The following COX20 variants were observed in gnomAD, a reference collection of about 807,000 sequenced individuals.
COX20 encodes the protein cytochrome c oxidase assembly factor COX20.
COX20 carries 14 observed loss-of-function variants against 14.3 expected under a neutral mutation model. The ratio of observed to expected loss-of-function variants is 0.98; its 90% CI spans 0.65 to 1.53. COX20 has a LOEUF of 1.53. COX20 is among the 40% of genes most tolerant of loss of function. The pLI, the probability that COX20 is intolerant of heterozygous loss-of-function variation, is 0.00. For synonymous variants in COX20, 56 were observed against 51.7 expected, an observed-to-expected ratio of 1.08 and a Z score of -0.36; for missense variants, 149 against 142.1, an observed-to-expected ratio of 1.05 and a Z score of -0.25.
rs1680360340 is a variant in COX20 at position 244,844,758 on chromosome 1, C to T, written c.*1582C>T. ...CTAGCCTAGGTGACAGAGTGAGACT[C>T]CATCTCAAAAAAAAAAAAAAATTCC... On this transcript the variant is annotated 3_prime_UTR_variant, in exon 4 of 4. Coordinates refer to ENST00000411948, the MANE Select transcript of COX20 (RefSeq NM_198076.6). 1 of 150,516 alleles carries T rather than the reference C, an allele frequency of 6.6e-6. No individual in the cohort carries two copies. The highest frequency in any genetic ancestry group is 2.4e-5 in the African/African-American group (1 of 40,838). 9.3% of individuals were successfully genotyped at this position (150,516 alleles called of 1,614,324 possible). A position where few individuals can be genotyped will look rare whatever the true frequency, so the allele number is the denominator to read the frequency against.
chr1:244,835,565 A>T, upstream of COX20: 1 of 479,780 alleles, frequency 2.1e-6, no homozygotes, highest in Non-Finnish European at 3.3e-6. Flanking sequence ...GCGGAGCGTT[A>T]GGAACATTCC....
intron 1 of COX20, among the ~76,000 whole-genome samples, chr1:244,838,969 T>C (rs989021769): frequency 6.6e-6 from 1 of 152,156 alleles, no homozygotes; most frequent in Non-Finnish European, 1.5e-5. Context: ...TTTGTACTTT[T>C]AGTAGAGACA....
chr1:244,839,497 G>A (rs978398892), intron 1 of COX20, among the ~76,000 whole-genome samples: 6 of 151,408 alleles, frequency 4.0e-5, no homozygotes, highest in African/African-American at 1.4e-4. Context: ...TCTTAAGTAT[G>A]CAGGCTACTT....
chr1:244,843,051 A>T lies in COX20; in HGVS notation c.232A>T (p.Arg78Trp). 1 of 1,560,178 alleles carries T rather than the reference A, an allele frequency of 6.4e-7. No individual in the cohort carries two copies. The highest frequency in any genetic ancestry group is 2.3e-5 in the East Asian group (1 of 43,430). ...TTCTTTTCTTCTAAGGTTTCATTGTAGGTATAATTATGCAAAGCAAAGAAT... is the reference window on the plus strand; with the variant it reads ...TTCTTTTCTTCTAAGGTTTCATTGTTGGTATAATTATGCAAAGCAAAGAAT... ...LVTLGCWFHC[R>W]YNYAKQRIQE... The change falls in exon 4 of 4, where the codon AGG becomes TGG. Residue 78 changes from arginine to tryptophan, a missense_variant. By Grantham distance (101) the Arg-to-Trp change is moderately radical (BLOSUM62 -3). Coordinates refer to ENST00000411948, the MANE Select transcript of COX20 (RefSeq NM_198076.6).
At chr1:244,840,155 T>TA (rs1327292418) in intron 1 of COX20, 3 of 152,168 alleles carry the variant, frequency 2.0e-5, no homozygotes, top group East Asian at 3.8e-4. Context: ...TACTTTTATT[T>TA]AAAAAAATAA....
intron 1 of COX20, among the ~76,000 whole-genome samples, chr1:244,837,491 T>C (rs1171772052): frequency 6.6e-6 from 1 of 152,236 alleles, no homozygotes; most frequent in African/African-American, 2.4e-5. Context: ...TTGATAGAAC[T>C]AGCCCCTAAA....
chr1:244,838,646 A>G (rs552362558), intron 1 of COX20, among the ~76,000 whole-genome samples: 1 of 152,194 alleles, frequency 6.6e-6, no homozygotes, highest in Non-Finnish European at 1.5e-5. Flanking sequence ...TGTCAAGTGA[A>G]GTTCAGTGGA....
chr1:244,843,010 TAAC>T, intron 3 of COX20, 28 bp from the exon 4 acceptor site: 5 of 1,450,016 alleles, frequency 3.4e-6, no homozygotes, highest in Non-Finnish European at 4.6e-6. Context: ...GACTTTATAT[TAAC>T]AATTTATTCA....
upstream of COX20, chr1:244,835,583 G>T: frequency 1.9e-6 from 1 of 515,612 alleles, no homozygotes; most frequent in South Asian, 8.7e-5. Flanking sequence ...TCCCTAAAAT[G>T]GCGGCCGGCG....
chr1:244,841,568 T>C (rs1028761595), intron 1 of COX20: 1 of 164,500 alleles, frequency 6.1e-6, no homozygotes, highest in African/African-American at 2.4e-5. Context: ...TCCCAAATTA[T>C]TGGAGTTACT....
intron 3 of COX20, 67 bp downstream of exon 3, chr1:244,842,325 C>A: frequency 9.1e-7 from 1 of 1,095,448 alleles, no homozygotes; most frequent in African/African-American, 1.5e-5. Context: ...AAAGCACATG[C>A]TCTTTTCAGA....
intron 1 of COX20, among the ~76,000 whole-genome samples, chr1:244,839,029 A>T (rs1680091782): frequency 6.6e-6 from 1 of 152,154 alleles, no homozygotes; most frequent in South Asian, 2.1e-4. Flanking sequence ...ACCTCAAGTG[A>T]TCCACCCACT....
At chr1:244,836,347 C>G in intron 1 of COX20, 1 of 691,740 alleles carries the variant, frequency 1.4e-6, no homozygotes, top group African/African-American at 1.8e-5. Context: ...TGCCTAACAT[C>G]CAGTCGTAGC....
chr1:244,836,753 A>C (rs935371819), intron 1 of COX20, among the ~76,000 whole-genome samples: 2 of 152,202 alleles, frequency 1.3e-5, no homozygotes. Flanking sequence ...CCCAGCTTGG[A>C]AATTCTGCTC....
chr1:244,843,723 A>AT lies in COX20; in HGVS notation c.*552dup, dbSNP rs1302411276. 1 of 152,182 alleles carries AT rather than the reference A, an allele frequency of 6.6e-6. No individual in the cohort carries two copies. The highest frequency in any genetic ancestry group is 6.5e-5 in the Admixed American group (1 of 15,276). 9.4% of individuals were successfully genotyped at this position (152,182 alleles called of 1,614,324 possible). A position where few individuals can be genotyped will look rare whatever the true frequency, so the allele number is the denominator to read the frequency against. ...AGAGTTGTTTTTAACTGCCCTAAACATTTTTGGGGAAGTATGCAGGGTTTA... is the reference window on the plus strand; with the variant it reads ...AGAGTTGTTTTTAACTGCCCTAAACATTTTTTGGGGAAGTATGCAGGGTTTA... On this transcript the variant is annotated 3_prime_UTR_variant, in exon 4 of 4. Coordinates refer to ENST00000411948, the MANE Select transcript of COX20 (RefSeq NM_198076.6).
chr1:244,839,545 T>G (rs1213843625), intron 1 of COX20, among the ~76,000 whole-genome samples: 2 of 152,226 alleles, frequency 1.3e-5, no homozygotes, highest in African/African-American at 4.8e-5. Flanking sequence ...ATGTATATTA[T>G]GAACAGAATA....
intron 1 of COX20, chr1:244,836,388 CA>C: frequency 9.6e-7 from 1 of 1,043,542 alleles, no homozygotes; most frequent in South Asian, 1.4e-5. Flanking sequence ...GGATAAAACC[CA>C]AATTCTTGGT....
chr1:244,842,096 AAAAG>A (rs1244186287), intron 2 of COX20, 38 bp downstream of exon 2: 3 of 1,537,982 alleles, frequency 2.0e-6, no homozygotes, highest in East Asian at 2.2e-5. Flanking sequence ...ATGTACTAAA[AAAAG>A]CATTTCTCTA....
Position 244,842,157 on chromosome 1 carries a change from AATTAT to A in COX20, c.158-34_158-30del, listed in dbSNP as rs750657229. The stretch of plus-strand genomic sequence containing the variant: ...CTAGGTGGAGTAATGTATATAACGT[AATTAT>A]ATTCTAATTAATTGTTATGCTTATT... On this transcript the variant is annotated intron_variant, in intron 2 of 3. Coordinates refer to ENST00000411948, the MANE Select transcript of COX20 (RefSeq NM_198076.6). The A allele has an allele frequency of 2.3e-5, 34 of 1,482,338 alleles. No individual in the cohort carries two copies. In the Admixed American group the frequency reaches 2.3e-4, roughly 10 times the overall value. The allele number at this position is 1,482,338 out of a possible 1,614,324, so 91.8% of individuals were successfully genotyped here. A position where few individuals can be genotyped will look rare whatever the true frequency, so the allele number is the denominator to read the frequency against.
Sources: gnomAD v4.1 joint callset for allele counts (sites outside exome capture counted in the v4.1 genomes callset) on GRCh38, gnomAD v4.1.1 for gene constraint, MANE v1.5 for transcripts, NCBI Gene and HGNC (gene_info 2026-07-23, HGNC 2026-07-21) for gene names.